The following PPP6R3 variants were observed in gnomAD, a reference collection of about 807,000 sequenced individuals.
The protein encoded by PPP6R3 is protein phosphatase 6 regulatory subunit 3, also known as serine/threonine-protein phosphatase 6 regulatory subunit 3.
Under a neutral mutation model 110.7 loss-of-function variants are expected in PPP6R3, and 38 were observed. The ratio of observed to expected loss-of-function variants is 0.34; its 90% CI spans 0.26 to 0.45. The LOEUF is 0.45. Ranked by LOEUF, PPP6R3 falls within the 20% of genes least tolerant of loss-of-function variation. The pLI is 1.00. For synonymous variants in PPP6R3, 369 were observed against 373.5 expected (o/e 0.99, Z 0.14); for missense variants, 870 against 1,062.4 (o/e 0.82, Z 2.52).
chr11:68,476,147 C>T (rs1047696962), intron 1 of PPP6R3, among the ~76,000 whole-genome samples: 11 of 152,146 alleles, frequency 7.2e-5, no homozygotes, highest in African/African-American at 2.4e-4. Context: ...GCCGAGATCA[C>T]GCCACTGCAC....
At chr11:68,523,859 G>GTTTC (rs2099180018) in intron 2 of PPP6R3, among the ~76,000 whole-genome samples, 1 of 151,970 alleles carries the variant, frequency 6.6e-6, no homozygotes, top group Non-Finnish European at 1.5e-5. Context: ...CTTGGCTGTA[G>GTTTC]TTTCCTTTTT....
chr11:68,597,975 T>A (rs1424757140), intron 19 of PPP6R3, among the ~76,000 whole-genome samples: 1 of 151,644 alleles, frequency 6.6e-6, no homozygotes, highest in African/African-American at 2.4e-5. Flanking sequence ...TGAGACTCCA[T>A]CTGGGGAAAA....
chr11:68,573,405 C>G (rs926261411), intron 12 of PPP6R3, among the ~76,000 whole-genome samples: 1 of 151,908 alleles, frequency 6.6e-6, no homozygotes, highest in Non-Finnish European at 1.5e-5. Context: ...CCTGTGTTGG[C>G]CTCCCAAAGT....
chr11:68,569,844 A>T lies in PPP6R3; in HGVS notation c.1225A>T (p.Asn409Tyr), dbSNP rs746945164. Residue 409 changes from asparagine to tyrosine, a missense_variant, in exon 11 of 24, where the codon AAT (asparagine) becomes TAT (tyrosine). Asn to Tyr is a moderately radical substitution (Grantham distance 143, BLOSUM62 -2). Coordinates refer to ENST00000393800, the MANE Select transcript of PPP6R3 (RefSeq NM_001164161.2). ...TGCAAGTCCTTTTGAAAACACAGAA[A>T]ATGCCACAATTACCGATCAAGACTC... ...ILASPFENTE[N>Y]ATITDQDSTG... 2 of 1,612,526 alleles carry T rather than the reference A, an allele frequency of 1.2e-6. No homozygotes were observed. Among genetic ancestry groups the T allele is most frequent in the Admixed American group, 3.3e-5 (2 of 59,904 alleles).
chr11:68,549,541 A>T (rs1244687279), intron 5 of PPP6R3, among the ~76,000 whole-genome samples: 2 of 152,016 alleles, frequency 1.3e-5, no homozygotes, highest in East Asian at 1.9e-4. Flanking sequence ...GTTGGCAGGG[A>T]CCTTAAATTG....
rs554949364 is a variant in PPP6R3 at position 68,569,811 on chromosome 11, C to T, written c.1192C>T (p.Leu398=). 1 of 1,610,820 alleles carries T rather than the reference C, an allele frequency of 6.2e-7. No homozygotes were observed. The highest frequency in any genetic ancestry group is 1.3e-5 in the African/African-American group (1 of 74,974). ...TACACAAGTGGAAATTTGTATTGCA[C>T]TGATTCTTGCAAGTCCTTTTGAAAA... The part of the protein sequence containing the change: ...LHTQVEICIA[L]ILASPFENTE... Residue 398 remains leucine (L), a synonymous_variant, in exon 11 of 24, where the codon CTG becomes TTG. Transcript: ENST00000393800.
chr11:68,544,741 T>C, intron 3 of PPP6R3, 97 bp from the exon 4 acceptor site: 1 of 828,658 alleles, frequency 1.2e-6, no homozygotes, highest in Non-Finnish European at 1.8e-6. Context: ...GATTTTATTT[T>C]TTTCACAAAA....
chr11:68,570,973 T>C lies in PPP6R3; in HGVS notation c.1279-67T>C, dbSNP rs1030106421. On this transcript the variant is annotated intron_variant, in intron 11 of 23. Transcript: ENST00000393800. ...TACTACTATTCTCTTTAACCTAGAG[T>C]TCTGTTTCACTTTAAAGTTTTGATG... 16 of 1,536,214 alleles carry C rather than the reference T, an allele frequency of 1.0e-5. No homozygotes were observed. In the East Asian group the frequency reaches 1.4e-4, roughly 13 times the overall value.
At chr11:68,488,792 A>G (rs373530644) in intron 1 of PPP6R3, 4 of 152,082 alleles carry the variant, frequency 2.6e-5, no homozygotes, top group Admixed American at 6.6e-5. Context: ...ATGGTTAAGG[A>G]CACATTGGCT....
chr11:68,551,417 C>T (rs1055028889), intron 6 of PPP6R3, among the ~76,000 whole-genome samples: 1 of 152,158 alleles, frequency 6.6e-6, no homozygotes, highest in African/African-American at 2.4e-5. Flanking sequence ...AGCACCATCT[C>T]CTTTCTAGAG....
chr11:68,482,284 G>A (rs898573402), intron 1 of PPP6R3, among the ~76,000 whole-genome samples: 1 of 151,346 alleles, frequency 6.6e-6, no homozygotes, highest in Non-Finnish European at 1.5e-5. Flanking sequence ...CGTGGTGGCG[G>A]GCGCCTGTAA....
chr11:68,536,802 T>C (rs946738288), intron 2 of PPP6R3, among the ~76,000 whole-genome samples: 1 of 152,204 alleles, frequency 6.6e-6, no homozygotes, highest in Non-Finnish European at 1.5e-5. Flanking sequence ...AATTCTGCAG[T>C]GAGCATTTAG....
chr11:68,465,808 G>A (rs2098741374), intron 1 of PPP6R3, among the ~76,000 whole-genome samples: 1 of 152,190 alleles, frequency 6.6e-6, no homozygotes. Flanking sequence ...TGGTCAGTTG[G>A]TTGATTTGTT....
chr11:68,528,821 A>G (rs1592601117), intron 2 of PPP6R3, among the ~76,000 whole-genome samples: 1 of 152,154 alleles, frequency 6.6e-6, no homozygotes, highest in African/African-American at 2.4e-5. Context: ...GGGTCTTGTC[A>G]GGCACTGTTC....
intron 13 of PPP6R3, among the ~76,000 whole-genome samples, chr11:68,575,173 T>G (rs936050050): frequency 1.3e-5 from 2 of 152,244 alleles, no homozygotes; most frequent in Non-Finnish European, 2.9e-5. Flanking sequence ...GACTGAGTTT[T>G]TAGATCAGAC....
intron 2 of PPP6R3, among the ~76,000 whole-genome samples, chr11:68,528,105 C>T (rs2099210541): frequency 6.6e-6 from 1 of 152,050 alleles, no homozygotes; most frequent in Admixed American, 6.5e-5. Context: ...TTTTTCAAGG[C>T]TTTAGGGACC....
chr11:68,614,267 C>G lies in PPP6R3; in HGVS notation c.*1150C>G, dbSNP rs1944751269. 4 of 1,031,674 alleles carry G rather than the reference C, an allele frequency of 3.9e-6. No individual in the cohort carries two copies. Among genetic ancestry groups the G allele is most frequent in the South Asian group, 3.5e-5 (1 of 28,454 alleles). 63.9% of individuals were successfully genotyped at this position (1,031,674 alleles called of 1,614,324 possible). On this transcript the variant is annotated 3_prime_UTR_variant, in exon 24 of 24. Transcript: ENST00000393800. Reference sequence around the variant, plus strand: ...TGTATATATATAGTGATTATGGATACTAATTCAATGTAATTTATAATTTTC... The same window carrying G: ...TGTATATATATAGTGATTATGGATAGTAATTCAATGTAATTTATAATTTTC...
At chr11:68,482,075 A>C (rs1471677959) in intron 1 of PPP6R3, among the ~76,000 whole-genome samples, 1 of 151,882 alleles carries the variant, frequency 6.6e-6, no homozygotes, top group Non-Finnish European at 1.5e-5. Context: ...ATGTAAAATG[A>C]GAATCATACT....
intron 1 of PPP6R3, among the ~76,000 whole-genome samples, chr11:68,480,344 C>T (rs2153372737): frequency 6.6e-6 from 1 of 152,324 alleles, no homozygotes; most frequent in Admixed American, 6.5e-5. Flanking sequence ...CAAATGCCCT[C>T]AGTACATTTG....
Sources: gnomAD v4.1 joint callset for allele counts (sites outside exome capture counted in the v4.1 genomes callset) on GRCh38, gnomAD v4.1.1 for gene constraint, MANE v1.5 for transcripts, NCBI Gene and HGNC (gene_info 2026-07-23, HGNC 2026-07-21) for gene names.